ZFHX3: variants seen among roughly 807,000 people sequenced by gnomAD.
ZFHX3 encodes zinc finger homeobox protein 3.
Under a neutral mutation model 279.1 loss-of-function variants are expected in ZFHX3, and 42 were observed. The observed-to-expected ratio is 0.15, with a 90% confidence interval of 0.12 to 0.19. The LOEUF (loss-of-function observed/expected upper bound fraction) is 0.19. Among genes scored for constraint, ZFHX3 ranks in the 10% least tolerant of loss-of-function variants. ZFHX3 has a pLI of 1.00. For missense variants in ZFHX3, 4,981 were observed against 4,754.0 expected (o/e 1.05, Z -1.40); for synonymous variants, 2,293 against 1,957.8 (o/e 1.17, Z -4.52).
intron 4 of ZFHX3, among the ~76,000 whole-genome samples, chr16:73,258,164 C>A (rs1353621231): frequency 1.3e-5 from 2 of 152,072 alleles, no homozygotes; most frequent in Non-Finnish European, 2.9e-5. Context: ...AGTCTTGACA[C>A]CAGCTTTTCA....
intron 2 of ZFHX3, among the ~76,000 whole-genome samples, chr16:72,956,209 T>C (rs1217621623): frequency 6.6e-6 from 1 of 152,182 alleles, no homozygotes; most frequent in Non-Finnish European, 1.5e-5. Flanking sequence ...AAATAAACAC[T>C]TGCCAACTGC....
chr16:73,283,129 G>A lies in ZFHX3; in HGVS notation c.-1193-25993C>T, dbSNP rs115954204. 6.3e-3 allele frequency among the ~76,000 whole-genome samples: 961 copies of A among 152,322 alleles called. 10 individuals carry two copies. Among genetic ancestry groups the A allele is most frequent in the African/African-American group, 0.021 (887 of 41,574 alleles). On this transcript the variant is annotated intron_variant, in intron 4 of 17. Transcript: ENST00000641206. ...TCAACTTCTCCATTGCCAGTGCCAC[G>A]TAAAAGCAGCCACAGACAATAGGTA...
At chr16:73,790,515 G>C (rs1328717409) in intron 1 of ZFHX3, among the ~76,000 whole-genome samples, 1 of 152,124 alleles carries the variant, frequency 6.6e-6, no homozygotes, top group African/African-American at 2.4e-5. Flanking sequence ...ATTATTTTCT[G>C]CCATTTCTCC....
intron 1 of ZFHX3, among the ~76,000 whole-genome samples, chr16:73,715,349 C>G (rs112700495): frequency 6.6e-6 from 1 of 152,174 alleles, no homozygotes; most frequent in African/African-American, 2.4e-5. Context: ...TTGACCGTCT[C>G]ATTCAATTAC....
chr16:73,172,626 T>C (rs563371421), intron 5 of ZFHX3, among the ~76,000 whole-genome samples: 29 of 152,348 alleles, frequency 1.9e-4, no homozygotes, highest in African/African-American at 5.8e-4. Context: ...ATATTTACTG[T>C]TCTTTAAAGC....
At chr16:73,485,806 G>T (rs532080194) in intron 2 of ZFHX3, among the ~76,000 whole-genome samples, 1 of 152,152 alleles carries the variant, frequency 6.6e-6, no homozygotes, top group Non-Finnish European at 1.5e-5. Flanking sequence ...TCACTGCTTA[G>T]ATACTACTTC....
At chr16:73,656,752 CAAGA>C (rs1462048000) in intron 2 of ZFHX3, among the ~76,000 whole-genome samples, 2 of 152,234 alleles carry the variant, frequency 1.3e-5, no homozygotes, top group East Asian at 3.9e-4. Context: ...CAAATTTAAA[CAAGA>C]AAGACTTAGT....
At chr16:73,755,677 T>G (rs2053802097) in intron 1 of ZFHX3, among the ~76,000 whole-genome samples, 1 of 152,204 alleles carries the variant, frequency 6.6e-6, no homozygotes, top group Non-Finnish European at 1.5e-5. Flanking sequence ...AGCCTCTGAC[T>G]TCAGCCAAAG....
At chr16:73,221,207 C>G (rs575633024) in intron 5 of ZFHX3, among the ~76,000 whole-genome samples, 1 of 152,066 alleles carries the variant, frequency 6.6e-6, no homozygotes, top group Non-Finnish European at 1.5e-5. Flanking sequence ...TATTATACCA[C>G]GTCTTATTTT....
chr16:73,571,898 A>C (rs1036064428), intron 2 of ZFHX3, among the ~76,000 whole-genome samples: 11 of 152,180 alleles, frequency 7.2e-5, no homozygotes, highest in African/African-American at 2.7e-4. Flanking sequence ...TCATATATTA[A>C]TATGATAAAA....
intron 5 of ZFHX3, among the ~76,000 whole-genome samples, chr16:73,240,361 G>A (rs919017502): frequency 1.3e-5 from 2 of 152,056 alleles, no homozygotes; most frequent in African/African-American, 2.4e-5. Context: ...TGGGATTACA[G>A]GCACATGCCA....
intron 3 of ZFHX3, among the ~76,000 whole-genome samples, chr16:72,906,103 C>T (rs2039163738): frequency 6.6e-6 from 1 of 151,970 alleles, no homozygotes; most frequent in East Asian, 2.0e-4. Flanking sequence ...GGCCAACCCC[C>T]CGATAAGATC....
At chr16:73,442,279 C>G (rs1597336994) in intron 3 of ZFHX3, among the ~76,000 whole-genome samples, 1 of 152,156 alleles carries the variant, frequency 6.6e-6, no homozygotes, top group East Asian at 1.9e-4. Context: ...TCTGAGGCCT[C>G]TCTCCTTCTT....
In ZFHX3 at chr16:73,723,283, A is replaced by G. The variant is rs188708784; in HGVS notation, c.-1607-43043T>C. ...GGATCTTGGGAAGTACTAAAAACAA[A>G]AAAAAGGCATAAGAAAAATAAGATA... On this transcript the variant is annotated intron_variant, in intron 1 of 17. Coordinates refer to the ZFHX3 transcript ENST00000641206. 1.3e-3 allele frequency among the ~76,000 whole-genome samples: 198 copies of G among 152,352 alleles called. 1 individual carries two copies. The highest frequency in any genetic ancestry group is 4.4e-3 in the African/African-American group (183 of 41,586).
chr16:73,429,481 C>T (rs1297577408), intron 3 of ZFHX3, among the ~76,000 whole-genome samples: 1 of 151,900 alleles, frequency 6.6e-6, no homozygotes, highest in East Asian at 1.9e-4. Context: ...TACAGATGCC[C>T]GCCACCATGC....
chr16:73,891,897 G>A (rs1172983598), upstream of ZFHX3: 1 of 152,184 alleles, frequency 6.6e-6, no homozygotes, highest in East Asian at 1.9e-4. Flanking sequence ...GGGAAGAAAG[G>A]AGGAGGGTCA....
In ZFHX3 at chr16:72,958,470, A is replaced by G. The variant is rs764384943; in HGVS notation, c.1676T>C (p.Val559Ala). The G allele has an allele frequency of 6.2e-7, 1 of 1,614,156 alleles. No homozygotes were observed. Among genetic ancestry groups the G allele is most frequent in the Non-Finnish European group, 8.5e-7 (1 of 1,180,042 alleles). Residue 559 changes from valine to alanine, a missense_variant, in exon 2 of 10, where the codon GTT becomes GCT. Coordinates refer to ENST00000268489, the MANE Select transcript of ZFHX3 (RefSeq NM_006885.4). ...STSSNSASSFVVFDGANRRNR... is the reference protein window; with the variant it reads ...STSSNSASSFAVFDGANRRNR... ...CCTCCTGTTCGCACCATCAAAGACA[A>G]CAAAGGAAGAAGCAGAATTAGAACT...
In ZFHX3 at chr16:72,990,817, C is replaced by A. The variant is rs148572221; in HGVS notation, c.-49-30623G>T. 6.2e-3 allele frequency among the ~76,000 whole-genome samples: 936 copies of A among 152,106 alleles called. 5 individuals are homozygous for A. The highest frequency in any genetic ancestry group is 0.021 in the African/African-American group (862 of 41,496). ...GCAACATGGCGAAACCCTGCCACTACTAAAATACAAAAATTAGCCGGGTGT... is the reference window on the plus strand; with the variant it reads ...GCAACATGGCGAAACCCTGCCACTAATAAAATACAAAAATTAGCCGGGTGT... On this transcript the variant is annotated intron_variant, in intron 1 of 9. Transcript: ENST00000268489.
chr16:73,069,972 G>A (rs2144753689), intron 8 of ZFHX3, among the ~76,000 whole-genome samples: 1 of 152,240 alleles, frequency 6.6e-6, no homozygotes, highest in African/African-American at 2.4e-5. Flanking sequence ...GAGCTTTCCA[G>A]GTGGAAAAAT....
Sources: gnomAD v4.1 joint callset for allele counts (sites outside exome capture counted in the v4.1 genomes callset) on GRCh38, gnomAD v4.1.1 for gene constraint, MANE v1.5 for transcripts, NCBI Gene and HGNC (gene_info 2026-07-23, HGNC 2026-07-21) for gene names.